Variants in NUDT3 observed in about 807,000 individuals in gnomAD.
NUDT3 encodes nudix hydrolase 3, also known as diphosphoinositol polyphosphate phosphohydrolase 1.
Under a neutral mutation model 23.6 loss-of-function variants are expected in NUDT3, and 9 were observed. The observed-to-expected ratio is 0.38, with a 90% CI of 0.23 to 0.66. The LOEUF (loss-of-function observed/expected upper bound fraction) is 0.66, where lower values mean the gene tolerates loss of function less well. Ranked by LOEUF, NUDT3 falls within the 30% of genes least tolerant of loss-of-function variation. NUDT3 has a pLI of 0.52. For synonymous variants in NUDT3, 86 were observed against 82.6 expected, an observed-to-expected ratio of 1.04 and a Z score of -0.22; for missense variants, 172 against 218.5, an observed-to-expected ratio of 0.79 and a Z score of 1.34.
chr6:34,304,469 G>A (rs1218225522), intron 2 of NUDT3, among the ~76,000 whole-genome samples: 1 of 151,860 alleles, frequency 6.6e-6, no homozygotes, highest in East Asian at 1.9e-4. Context: ...CATTAATCAA[G>A]ATCTTACCAG....
chr6:34,375,499 T>C (rs1764907525), intron 1 of NUDT3, among the ~76,000 whole-genome samples: 1 of 152,190 alleles, frequency 6.6e-6, no homozygotes, highest in Non-Finnish European at 1.5e-5. Flanking sequence ...CCTCCAAATG[T>C]ATCCCCTTAT....
At chr6:34,296,841 G>A (rs1356150136) in intron 2 of NUDT3, among the ~76,000 whole-genome samples, 4 of 151,914 alleles carry the variant, frequency 2.6e-5, no homozygotes, top group Non-Finnish European at 4.4e-5. Context: ...CATAAACATG[G>A]TAATTCTGCT....
intron 1 of NUDT3, among the ~76,000 whole-genome samples, chr6:34,371,831 G>T (rs931098814): frequency 1.3e-5 from 2 of 152,086 alleles, no homozygotes; most frequent in African/African-American, 2.4e-5. Context: ...GTGCCATGTT[G>T]GTGTGCTGCA....
intron 1 of NUDT3, among the ~76,000 whole-genome samples, chr6:34,385,686 CTTT>C (rs541577321): frequency 2.1e-5 from 3 of 140,298 alleles, no homozygotes; most frequent in Non-Finnish European, 1.6e-5. Context: ...GCAGTAATTT[CTTT>C]TTTTTTTTTT....
At chr6:34,349,792 ATAAAT>A (rs1316270263) in intron 1 of NUDT3, among the ~76,000 whole-genome samples, 1 of 150,786 alleles carries the variant, frequency 6.6e-6, no homozygotes, top group East Asian at 1.9e-4. Flanking sequence ...CTCTCCTTAA[ATAAAT>A]TAGATTATCT....
chr6:34,297,760 A>ATATATATTTTTTTT (rs1763535832), intron 2 of NUDT3, among the ~76,000 whole-genome samples: 20 of 53,608 alleles, frequency 3.7e-4, no homozygotes, highest in South Asian at 1.3e-3. Context: ...TATATATATA[A>ATATATATTTTTTTT]TTTTTTTTTT....
At chr6:34,377,016 T>C (rs1764936116) in intron 1 of NUDT3, among the ~76,000 whole-genome samples, 2 of 152,146 alleles carry the variant, frequency 1.3e-5, no homozygotes, top group South Asian at 4.1e-4. Context: ...TTCCCCTCCT[T>C]TCTACGTAAA....
intron 2 of NUDT3, among the ~76,000 whole-genome samples, chr6:34,307,178 T>C (rs902660524): frequency 1.3e-5 from 2 of 152,094 alleles, no homozygotes; most frequent in African/African-American, 2.4e-5. Flanking sequence ...GGAGGCTGGG[T>C]AGCAGGACTG....
chr6:34,341,017 T>C (rs1227063448), intron 2 of NUDT3, among the ~76,000 whole-genome samples: 1 of 152,196 alleles, frequency 6.6e-6, no homozygotes. Context: ...TTTTATATGT[T>C]CTTAGAATCA....
At chr6:34,360,315 T>A (rs1329791864) in intron 1 of NUDT3, among the ~76,000 whole-genome samples, 1 of 150,638 alleles carries the variant, frequency 6.6e-6, no homozygotes, top group East Asian at 2.0e-4. Context: ...GGCTCACACC[T>A]GCAATCCCAG....
At position 34,286,866 on chromosome 6, in the gene NUDT3, C is replaced by G. The variant is rs1448117925; in HGVS notation, c.*1887G>C. On this transcript the variant is annotated 3_prime_UTR_variant, in exon 5 of 5. Coordinates refer to ENST00000607016, the MANE Select transcript of NUDT3 (RefSeq NM_006703.4). ...ACGACAGTGGTGCAATCTCGGCTCACTGCAACCTCTGCCTCCCAGGTTCAA... is the reference window on the plus strand; with the variant it reads ...ACGACAGTGGTGCAATCTCGGCTCAGTGCAACCTCTGCCTCCCAGGTTCAA... 1 of 148,074 alleles carries G rather than the reference C, an allele frequency of 6.8e-6. No individual in the cohort carries two copies. Among genetic ancestry groups the G allele is most frequent in the African/African-American group, 2.5e-5 (1 of 40,066 alleles). The allele number at this position is 148,074 out of a possible 1,614,324, so 9.2% of individuals were successfully genotyped here. A position where few individuals can be genotyped will look rare whatever the true frequency, so the allele number is the denominator to read the frequency against.
At chr6:34,323,363 T>C (rs1209700836) in intron 2 of NUDT3, among the ~76,000 whole-genome samples, 1 of 152,080 alleles carries the variant, frequency 6.6e-6, no homozygotes, top group Non-Finnish European at 1.5e-5. Flanking sequence ...ACCCAGGATT[T>C]CAAGACCAGC....
intron 2 of NUDT3, among the ~76,000 whole-genome samples, chr6:34,297,754 TATATA>T (rs1202529025): frequency 0.035 from 3,365 of 97,324 alleles, 216 homozygotes; most frequent in East Asian, 0.22. Flanking sequence ...TATATATATA[TATATA>T]ATTTTTTTTT....
intron 1 of NUDT3, among the ~76,000 whole-genome samples, chr6:34,361,669 C>T (rs1764652207): frequency 6.6e-6 from 1 of 152,034 alleles, no homozygotes; most frequent in Non-Finnish European, 1.5e-5. Context: ...TGTGGTACAA[C>T]CACATAAAGG....
intron 2 of NUDT3, among the ~76,000 whole-genome samples, chr6:34,296,469 G>C (rs1283665785): frequency 1.3e-5 from 2 of 151,880 alleles, no homozygotes; most frequent in African/African-American, 4.8e-5. Context: ...AGCTACTCGG[G>C]AGGCTGAGGT....
intron 1 of NUDT3, among the ~76,000 whole-genome samples, chr6:34,343,267 G>A (rs985411458): frequency 7.9e-5 from 12 of 151,596 alleles, no homozygotes; most frequent in Non-Finnish European, 1.3e-4. Context: ...GATACTACAA[G>A]AGCCAGGTGT....
At chr6:34,309,511 TAAGAA>T (rs970011242) in intron 2 of NUDT3, among the ~76,000 whole-genome samples, 1 of 151,580 alleles carries the variant, frequency 6.6e-6, no homozygotes, top group Non-Finnish European at 1.5e-5. Context: ...CAAGTAAGCA[TAAGAA>T]AATAATTAAA....
chr6:34,324,422 T>C (rs1399226697), intron 2 of NUDT3, among the ~76,000 whole-genome samples: 1 of 152,104 alleles, frequency 6.6e-6, no homozygotes, highest in Non-Finnish European at 1.5e-5. Context: ...TGTTGCTGTT[T>C]TTGAGATAGG....
intron 1 of NUDT3, among the ~76,000 whole-genome samples, chr6:34,345,641 C>T (rs1047550514): frequency 7.5e-6 from 1 of 132,936 alleles, no homozygotes; most frequent in African/African-American, 2.9e-5. Flanking sequence ...CTAGCATGGG[C>T]GACAGAGCGA....
Sources: gnomAD v4.1 joint callset for allele counts (sites outside exome capture counted in the v4.1 genomes callset) on GRCh38, gnomAD v4.1.1 for gene constraint, MANE v1.5 for transcripts, NCBI Gene and HGNC (gene_info 2026-07-23, HGNC 2026-07-21) for gene names.